Variants in KIF5C observed in about 807,000 individuals in gnomAD.
KIF5C encodes kinesin family member 5C, also known as kinesin heavy chain isoform 5C.
Under a neutral mutation model 125.2 loss-of-function variants are expected in KIF5C, and 18 were observed. The observed-to-expected ratio is 0.14, with a 90% CI of 0.10 to 0.21. The LOEUF is 0.21. KIF5C is among the 10% of genes least tolerant of loss of function. The pLI is 1.00. For missense variants in KIF5C, 780 were observed against 1,183.8 expected (o/e 0.66, Z 5.01); for synonymous variants, 405 against 434.0 (o/e 0.93, Z 0.83).
intron 11 of KIF5C, among the ~76,000 whole-genome samples, chr2:148,964,819 A>T (rs1002055190): frequency 6.6e-6 from 1 of 152,058 alleles, no homozygotes; most frequent in African/African-American, 2.4e-5. Flanking sequence ...GATTTTGGTC[A>T]AGGGTGTTAA....
chr2:148,998,074 C>T (rs909257714), intron 18 of KIF5C: 9 of 343,884 alleles, frequency 2.6e-5, no homozygotes, highest in Non-Finnish European at 2.8e-5. Context: ...CTGGAGGTTA[C>T]GTGGATAGGG....
intron 4 of KIF5C, among the ~76,000 whole-genome samples, chr2:148,938,983 T>A (rs866409215): frequency 5.3e-5 from 8 of 150,986 alleles, no homozygotes; most frequent in Non-Finnish European, 1.0e-4. Context: ...TAATCCCAGC[T>A]ACTCAGGAGG....
chr2:149,007,950 G>C lies in KIF5C; in HGVS notation c.2446-13G>C. ...TGACAGCCTGTCCTGCTGACCCCTT[G>C]GTGTCAATGCAGAGTGTGGAGTTGG... On this transcript the variant is annotated splice_polypyrimidine_tract_variant and intron_variant, in intron 22 of 25. Transcript: ENST00000435030. The C allele has an allele frequency of 3.2e-6, 5 of 1,581,780 alleles. No homozygotes were observed. Among genetic ancestry groups the C allele is most frequent in the Non-Finnish European group, 4.3e-6 (5 of 1,157,558 alleles).
intron 8 of KIF5C, among the ~76,000 whole-genome samples, chr2:148,949,108 T>C (rs974481388): frequency 6.6e-6 from 1 of 152,188 alleles, no homozygotes; most frequent in Non-Finnish European, 1.5e-5. Context: ...ACATGAATCA[T>C]GTTGAGTTCC....
At chr2:149,000,653 G>T in intron 20 of KIF5C, 69 bp from the exon 21 acceptor site, 1 of 1,594,908 alleles carries the variant, frequency 6.3e-7, no homozygotes, top group Non-Finnish European at 8.6e-7. Context: ...TTTATCTGTG[G>T]ATGCAAATAG....
At chr2:148,890,198 CT>C (rs925432950) in intron 1 of KIF5C, among the ~76,000 whole-genome samples, 14 of 151,996 alleles carry the variant, frequency 9.2e-5, no homozygotes, top group Non-Finnish European at 1.9e-4. Flanking sequence ...AATAGAGACA[CT>C]TTTTGCATAC....
intron 1 of KIF5C, among the ~76,000 whole-genome samples, chr2:148,887,495 T>C (rs554158836): frequency 1.4e-4 from 21 of 152,106 alleles, no homozygotes; most frequent in African/African-American, 4.3e-4. Context: ...CTAAGTCCAA[T>C]TGGGGGAAAG....
chr2:149,021,208 A>G (rs1322862614), intron 25 of KIF5C, among the ~76,000 whole-genome samples: 1 of 151,974 alleles, frequency 6.6e-6, no homozygotes, highest in Non-Finnish European at 1.5e-5. Flanking sequence ...GACTACACAT[A>G]CAAGCCACCA....
chr2:148,875,391 C>T lies in KIF5C; in HGVS notation c.-227C>T, dbSNP rs1442705815. The T allele has an allele frequency of 1.2e-5, 6 of 506,136 alleles. No individual in the cohort carries two copies. Among genetic ancestry groups the T allele is most frequent in the South Asian group, 4.8e-5 (2 of 41,564 alleles). The allele number at this position is 506,136 out of a possible 1,614,324, so 31.4% of individuals were successfully genotyped here. ...GGGGCGGGGCAGGGCCAGGGCAGGC[C>T]GGTCTGCAGCCGGAGGGGCCGGAGC... is the stretch of plus-strand genomic sequence containing the variant. On this transcript the variant is annotated 5_prime_UTR_variant, in exon 1 of 26. Transcript: ENST00000435030.
At chr2:148,972,787 T>C (rs2105146028) in intron 11 of KIF5C, among the ~76,000 whole-genome samples, 1 of 152,356 alleles carries the variant, frequency 6.6e-6, no homozygotes, top group African/African-American at 2.4e-5. Context: ...TTTGCAGCTC[T>C]AGTCTTGGAT....
At chr2:148,894,865 G>T (rs961935545) in intron 1 of KIF5C, among the ~76,000 whole-genome samples, 2 of 150,984 alleles carry the variant, frequency 1.3e-5, no homozygotes, top group Non-Finnish European at 3.0e-5. Context: ...AATTCAGGAA[G>T]TTAAGATTTG....
chr2:148,988,711 C>T (rs941446422), intron 15 of KIF5C, among the ~76,000 whole-genome samples: 5 of 152,222 alleles, frequency 3.3e-5, no homozygotes, highest in African/African-American at 1.2e-4. Context: ...AGTGGCAGAA[C>T]ACACTCAACT....
intron 1 of KIF5C, among the ~76,000 whole-genome samples, chr2:148,893,974 A>G (rs921631777): frequency 6.6e-6 from 1 of 152,198 alleles, no homozygotes; most frequent in Non-Finnish European, 1.5e-5. Flanking sequence ...CTCACTGTTT[A>G]GTAGAGGAGA....
intron 24 of KIF5C, 127 bp downstream of exon 24, chr2:149,010,478 A>G: frequency 7.0e-7 from 1 of 1,430,320 alleles, no homozygotes; most frequent in Non-Finnish European, 9.2e-7. Context: ...TGGAGCCCGC[A>G]GGACGCAGCC....
At chr2:149,017,082 G>A (rs1399154022) in intron 25 of KIF5C, among the ~76,000 whole-genome samples, 3 of 152,204 alleles carry the variant, frequency 2.0e-5, no homozygotes, top group Non-Finnish European at 1.5e-5. Flanking sequence ...GACAGACTAG[G>A]TGAGGAAATA....
chr2:149,009,346 G>C (rs1393799094), intron 23 of KIF5C, among the ~76,000 whole-genome samples: 1 of 152,140 alleles, frequency 6.6e-6, no homozygotes, highest in Non-Finnish European at 1.5e-5. Context: ...TGTACTCTCT[G>C]CCAGGCACTA....
intron 2 of KIF5C, among the ~76,000 whole-genome samples, chr2:148,928,886 T>C (rs1163316385): frequency 2.0e-5 from 3 of 152,142 alleles, no homozygotes; most frequent in Non-Finnish European, 4.4e-5. Flanking sequence ...AGGAAAGAAA[T>C]TCTGTTCTTC....
intron 1 of KIF5C, among the ~76,000 whole-genome samples, chr2:148,919,273 G>T (rs544567582): frequency 6.6e-6 from 1 of 152,146 alleles, no homozygotes; most frequent in African/African-American, 2.4e-5. Flanking sequence ...TGAAAGAAAC[G>T]CCAGCAAAGG....
chr2:148,930,181 C>T (rs559989534), intron 3 of KIF5C, among the ~76,000 whole-genome samples: 1 of 152,302 alleles, frequency 6.6e-6, no homozygotes, highest in South Asian at 2.1e-4. Flanking sequence ...GGCATCCTTC[C>T]TTATTGACTT....
Sources: gnomAD v4.1 joint callset for allele counts (sites outside exome capture counted in the v4.1 genomes callset) on GRCh38, gnomAD v4.1.1 for gene constraint, MANE v1.5 for transcripts, NCBI Gene and HGNC (gene_info 2026-07-23, HGNC 2026-07-21) for gene names.